The following PRR16 variants were observed in gnomAD, a reference collection of about 807,000 sequenced individuals.
The protein encoded by PRR16 is proline rich 16, also known as protein Largen.
In PRR16, 6 loss-of-function variants were observed where a neutral mutation model predicts 18.2. That is an observed-to-expected ratio of 0.33 (90% CI 0.18 to 0.65). PRR16 has a LOEUF of 0.65. Ranked by LOEUF, PRR16 falls within the 30% of genes least tolerant of loss-of-function variation. The probability of loss-of-function intolerance (pLI) is 0.74; values close to 1 mark genes in which losing one functional copy is unlikely to be tolerated. For missense variants in PRR16, 412 were observed against 376.6 expected, an observed-to-expected ratio of 1.09 and a Z score of -0.78; for synonymous variants, 151 against 147.8, an observed-to-expected ratio of 1.02 and a Z score of -0.16.
At chr5:120,526,303 G>A (rs1054453320) in intron 1 of PRR16, among the ~76,000 whole-genome samples, 1 of 152,040 alleles carries the variant, frequency 6.6e-6, no homozygotes, top group African/African-American at 2.4e-5. Flanking sequence ...CACGAATTAG[G>A]GCATCTTAGC....
intron 1 of PRR16, among the ~76,000 whole-genome samples, chr5:120,659,125 C>A (rs1236408127): frequency 2.0e-5 from 3 of 151,966 alleles, no homozygotes; most frequent in Non-Finnish European, 4.4e-5. Flanking sequence ...ATTGGATGTA[C>A]ACAATTATCA....
At chr5:120,754,178 A>AAATATATAAATATG in the PRR16 span, among the ~76,000 whole-genome samples, 3 of 112,174 alleles carry the variant, frequency 2.7e-5, no homozygotes, top group East Asian at 2.3e-4. Flanking sequence ...TATAAATATA[A>AAATATATAAATATG]ATATATAATA....
At chr5:120,493,871 T>TA (rs1750151482) in intron 1 of PRR16, among the ~76,000 whole-genome samples, 1 of 152,030 alleles carries the variant, frequency 6.6e-6, no homozygotes, top group Non-Finnish European at 1.5e-5. Context: ...TATGGTTTAT[T>TA]CTTTTTTTTG....
chr5:120,699,864 T>C, the PRR16 span, among the ~76,000 whole-genome samples: 66,739 of 151,806 alleles, frequency 0.44, 15,827 homozygotes, highest in East Asian at 0.84. Flanking sequence ...AGGGAGAGCA[T>C]GTGTGTTTTT....
chr5:120,594,255 A>G (rs1753731459), intron 1 of PRR16, among the ~76,000 whole-genome samples: 1 of 152,076 alleles, frequency 6.6e-6, no homozygotes, highest in Non-Finnish European at 1.5e-5. Flanking sequence ...AGAAAACCCC[A>G]TAGTTTCAGG....
chr5:120,583,080 C>T (rs1753326644), intron 1 of PRR16, among the ~76,000 whole-genome samples: 1 of 152,184 alleles, frequency 6.6e-6, no homozygotes, highest in Non-Finnish European at 1.5e-5. Context: ...CCTGGGCTAC[C>T]TTACAATATG....
At chr5:120,635,029 A>C (rs1428504762) in intron 1 of PRR16, among the ~76,000 whole-genome samples, 1 of 152,174 alleles carries the variant, frequency 6.6e-6, no homozygotes, top group Non-Finnish European at 1.5e-5. Flanking sequence ...AGATTAATGA[A>C]TTCCTGAAAA....
intron 1 of PRR16, among the ~76,000 whole-genome samples, chr5:120,480,652 G>A (rs549992648): frequency 1.3e-5 from 2 of 152,232 alleles, no homozygotes; most frequent in South Asian, 2.1e-4. Context: ...TAATGTGTCT[G>A]CAAACTGATG....
chr5:120,533,600 T>C (rs1253268222), intron 1 of PRR16, among the ~76,000 whole-genome samples: 7 of 152,076 alleles, frequency 4.6e-5, no homozygotes, highest in Admixed American at 4.6e-4. Flanking sequence ...GGGAAAAACA[T>C]TCTATCCAGT....
At chr5:120,558,694 C>T (rs1185450689) in intron 1 of PRR16, among the ~76,000 whole-genome samples, 1 of 151,890 alleles carries the variant, frequency 6.6e-6, no homozygotes, top group Non-Finnish European at 1.5e-5. Context: ...CATGGTAGCT[C>T]TATTTTTAGT....
At chr5:120,623,735 G>A (rs948348577) in intron 1 of PRR16, among the ~76,000 whole-genome samples, 1 of 152,058 alleles carries the variant, frequency 6.6e-6, no homozygotes, top group African/African-American at 2.4e-5. Context: ...GACATCCAGA[G>A]CAGCAGTGTT....
chr5:120,773,115 C>T, the PRR16 span, among the ~76,000 whole-genome samples: 1 of 152,078 alleles, frequency 6.6e-6, no homozygotes, highest in Non-Finnish European at 1.5e-5. Context: ...AGACTCCAAC[C>T]TGACTTGAGA....
the PRR16 span, among the ~76,000 whole-genome samples, chr5:120,707,415 C>T: frequency 2.6e-5 from 4 of 152,096 alleles, no homozygotes; most frequent in Admixed American, 6.5e-5. Context: ...AGAATGGGTC[C>T]CAAAGCTCTT....
chr5:120,664,141 A>G (rs1382284242), intron 1 of PRR16, among the ~76,000 whole-genome samples: 6 of 152,092 alleles, frequency 3.9e-5, no homozygotes, highest in Admixed American at 1.3e-4. Context: ...TTTACTAAAA[A>G]TACAAAAATT....
intron 1 of PRR16, among the ~76,000 whole-genome samples, chr5:120,616,306 C>T (rs540448924): frequency 3.3e-5 from 5 of 152,098 alleles, no homozygotes; most frequent in South Asian, 2.1e-4. Flanking sequence ...CCACACATTC[C>T]GGCGGCAACA....
chr5:120,571,089 G>A (rs193165109), intron 1 of PRR16, among the ~76,000 whole-genome samples: 68 of 152,220 alleles, frequency 4.5e-4, no homozygotes, highest in African/African-American at 1.6e-3. Context: ...AGGATGGAGG[G>A]AAGTAATAAG....
chr5:120,464,616 C>T lies in PRR16; in HGVS notation c.130C>T (p.Leu44=). 1 of 1,573,776 alleles carries T rather than the reference C, an allele frequency of 6.4e-7. No homozygotes were observed. ...VEDLELVLGD[L]KDVAKELKEV... is the part of the protein sequence containing the mutation. The stretch of plus-strand genomic sequence containing the variant: ...GGATTTGGAATTAGTCCTGGGCGAC[C>T]TGAAGGACGTGGCCAAGGAACTTAA... The change falls in exon 1 of 2, where the codon CTG becomes TTG. Residue 44 remains leucine (L), a synonymous_variant. Transcript: ENST00000407149.
At chr5:120,720,574 T>C in the PRR16 span, among the ~76,000 whole-genome samples, 1 of 152,052 alleles carries the variant, frequency 6.6e-6, no homozygotes, top group Admixed American at 6.6e-5. Flanking sequence ...ATTTATAGTA[T>C]AATTATTTTT....
At chr5:120,720,850 C>CT in the PRR16 span, among the ~76,000 whole-genome samples, 2 of 151,734 alleles carry the variant, frequency 1.3e-5, no homozygotes, top group Non-Finnish European at 2.9e-5. Flanking sequence ...TGTAAGTGTC[C>CT]TTTTTGGGGT....
Sources: allele counts gnomAD v4.1 joint callset (sites outside exome capture counted in the v4.1 genomes callset), GRCh38; gene constraint gnomAD v4.1.1; transcripts MANE v1.5; gene names NCBI Gene and HGNC (gene_info 2026-07-23, HGNC 2026-07-21).